SMCHD1: variants seen among roughly 807,000 people sequenced by gnomAD.
SMCHD1 encodes structural maintenance of chromosomes flexible hinge domain containing 1.
SMCHD1 carries 78 observed loss-of-function variants against 254.7 expected under a neutral mutation model. The ratio of observed to expected loss-of-function variants is 0.31; its 90% CI spans 0.26 to 0.37. SMCHD1 has a LOEUF of 0.37. Among genes scored for constraint, SMCHD1 ranks in the 10% least tolerant of loss-of-function variants. The pLI is 1.00. For missense variants in SMCHD1, 1,840 were observed against 2,408.1 expected (o/e 0.76, Z 4.94); for synonymous variants, 766 against 794.9 (o/e 0.96, Z 0.61).
At chr18:2,778,581 C>G (rs904290818) in intron 44 of SMCHD1, among the ~76,000 whole-genome samples, 1 of 152,056 alleles carries the variant, frequency 6.6e-6, no homozygotes, top group African/African-American at 2.4e-5. Flanking sequence ...AGAAATATTA[C>G]TGTCCCACAA....
Position 2,659,749 on chromosome 18 carries a change from A to G in SMCHD1, c.186+3488A>G, listed in dbSNP as rs139064091. Among the ~76,000 whole-genome samples, 600 of 144,864 alleles carry G rather than the reference A, an allele frequency of 4.1e-3. 3 individuals carry two copies. Among genetic ancestry groups the G allele is most frequent in the African/African-American group, 0.016 (579 of 37,162 alleles). ...AGATGTGCTCATCAATTTCTACAAT[A>G]AACTTGAGATTTTGAAAAAAAAAAA... On this transcript the variant is annotated intron_variant, in intron 1 of 47. Transcript: ENST00000320876.
chr18:2,706,496 C>A (rs2074517214), intron 15 of SMCHD1, 26 bp downstream of exon 15: 1 of 1,465,536 alleles, frequency 6.8e-7, no homozygotes. Context: ...AGATGCATGA[C>A]AAAAATAAGA....
chr18:2,741,769 G>A (rs1164152981), intron 28 of SMCHD1, among the ~76,000 whole-genome samples: 1 of 152,126 alleles, frequency 6.6e-6, no homozygotes, highest in African/African-American at 2.4e-5. Context: ...TCTGCGCACA[G>A]GCTCCTAATT....
chr18:2,704,384 TA>T (rs2143219548), intron 13 of SMCHD1, among the ~76,000 whole-genome samples: 1 of 152,320 alleles, frequency 6.6e-6, no homozygotes, highest in African/African-American at 2.4e-5. Flanking sequence ...GATTTTTAAG[TA>T]TTTTTTTGTT....
chr18:2,743,196 G>C (rs978437837), intron 28 of SMCHD1, among the ~76,000 whole-genome samples: 1 of 152,112 alleles, frequency 6.6e-6, no homozygotes, highest in Non-Finnish European at 1.5e-5. Context: ...GATGTGTTAC[G>C]CATTATTCTA....
intron 36 of SMCHD1, 31 bp downstream of exon 36, chr18:2,762,267 G>A (rs949143940): frequency 1.9e-6 from 3 of 1,602,700 alleles, no homozygotes; most frequent in Non-Finnish European, 1.7e-6. Context: ...AAACTGCGAA[G>A]GGTAACAAGA....
intron 29 of SMCHD1, among the ~76,000 whole-genome samples, chr18:2,745,724 TA>T (rs1257587429): frequency 3.3e-5 from 5 of 152,124 alleles, no homozygotes; most frequent in African/African-American, 1.2e-4. Flanking sequence ...GGGACAAATA[TA>T]AAAAATAATG....
At chr18:2,685,043 T>G (rs1461194000) in intron 5 of SMCHD1, among the ~76,000 whole-genome samples, 2 of 151,142 alleles carry the variant, frequency 1.3e-5, no homozygotes, top group African/African-American at 4.8e-5. Context: ...CTTGCTAAAC[T>G]ATACACGTCT....
At chr18:2,751,747 A>G (rs2075576595) in intron 33 of SMCHD1, among the ~76,000 whole-genome samples, 1 of 152,130 alleles carries the variant, frequency 6.6e-6, no homozygotes, top group Non-Finnish European at 1.5e-5. Context: ...CTTGAAAGAG[A>G]GTGGAGAGTT....
intron 3 of SMCHD1, among the ~76,000 whole-genome samples, chr18:2,671,014 G>T (rs1210190466): frequency 7.1e-6 from 1 of 141,778 alleles, no homozygotes; most frequent in Non-Finnish European, 1.5e-5. Flanking sequence ...TCGGCTCACC[G>T]CAACCTCCGC....
intron 1 of SMCHD1, among the ~76,000 whole-genome samples, chr18:2,664,355 A>AT (rs1555624774): frequency 1.6e-4 from 20 of 128,098 alleles, no homozygotes; most frequent in Middle Eastern, 4.2e-3. Flanking sequence ...CTCACATTAA[A>AT]TTTGTTTTTT....
At chr18:2,714,807 C>A (rs983502540) in intron 17 of SMCHD1, among the ~76,000 whole-genome samples, 1 of 152,058 alleles carries the variant, frequency 6.6e-6, no homozygotes, top group Non-Finnish European at 1.5e-5. Context: ...ATTTATGAAG[C>A]TTGTTCTAGC....
chr18:2,710,566 G>C lies in SMCHD1; in HGVS notation c.2260+2646G>C, dbSNP rs538132627. ...TTGCTGAGTTTATTAGCTATACCAG[G>C]GTTTTTTTTATGGATTATTTAGGTT... On this transcript the variant is annotated intron_variant, in intron 17 of 47. Transcript: ENST00000320876. Among the ~76,000 whole-genome samples, 9 of 151,984 alleles carry C rather than the reference G, an allele frequency of 5.9e-5. No homozygotes were observed. In the South Asian group the frequency reaches 6.2e-4, roughly 11 times the overall value.
intron 25 of SMCHD1, among the ~76,000 whole-genome samples, chr18:2,733,942 C>T (rs1301748313): frequency 6.6e-6 from 1 of 152,152 alleles, no homozygotes; most frequent in Non-Finnish European, 1.5e-5. Context: ...TCCCAATTAG[C>T]CAAATTTTTG....
chr18:2,760,904 C>G (rs1283232294), intron 35 of SMCHD1, among the ~76,000 whole-genome samples, 165 bp downstream of exon 35: 5 of 151,818 alleles, frequency 3.3e-5, no homozygotes, highest in Non-Finnish European at 5.9e-5. Context: ...ATAAATAATT[C>G]AATTTTCAGG....
chr18:2,657,912 A>G (rs138368001), intron 1 of SMCHD1, among the ~76,000 whole-genome samples: 22 of 151,016 alleles, frequency 1.5e-4, no homozygotes, highest in African/African-American at 4.9e-4. Context: ...CCTCCCAAGT[A>G]GCCAGGACTA....
chr18:2,693,045 G>C (rs1349544031), intron 7 of SMCHD1, among the ~76,000 whole-genome samples: 2 of 152,130 alleles, frequency 1.3e-5, no homozygotes, highest in African/African-American at 4.8e-5. Context: ...GCATTATAAT[G>C]GTTTTGAAGG....
intron 5 of SMCHD1, among the ~76,000 whole-genome samples, chr18:2,685,103 T>A (rs1365700269): frequency 7.8e-6 from 1 of 127,760 alleles, no homozygotes; most frequent in African/African-American, 2.8e-5. Flanking sequence ...TATTTTTTTC[T>A]TTTTTTTTTT....
chr18:2,722,695 T>C (rs774076221), intron 20 of SMCHD1, 32 bp downstream of exon 20: 1 of 1,564,432 alleles, frequency 6.4e-7, no homozygotes. Flanking sequence ...TATTTGTCCT[T>C]TGATATTTGC....
Sources: allele counts gnomAD v4.1 joint callset (sites outside exome capture counted in the v4.1 genomes callset), GRCh38; gene constraint gnomAD v4.1.1; transcripts MANE v1.5; gene names NCBI Gene and HGNC (gene_info 2026-07-23, HGNC 2026-07-21).